The following SLC25A48 variants were observed in gnomAD, a reference collection of about 807,000 sequenced individuals.
The protein encoded by SLC25A48 is solute carrier family 25 member 48.
Under a neutral mutation model 32.2 loss-of-function variants are expected in SLC25A48, and 29 were observed. The ratio of observed to expected loss-of-function variants is 0.90; its 90% CI spans 0.67 to 1.23. The LOEUF is 1.23. SLC25A48 is among the 50% of genes most tolerant of loss of function. The pLI is 0.00. For synonymous variants in SLC25A48, 164 were observed against 172.3 expected (o/e 0.95, Z 0.38); for missense variants, 399 against 422.7 (o/e 0.94, Z 0.49).
At chr5:135,643,400 C>T (rs564286232) in intron 3 of SLC25A48, among the ~76,000 whole-genome samples, 1 of 152,320 alleles carries the variant, frequency 6.6e-6, no homozygotes, top group South Asian at 2.1e-4. Context: ...CAGTCAGCCA[C>T]ACTTGCAGGA....
intron 3 of SLC25A48, among the ~76,000 whole-genome samples, chr5:135,779,640 G>T (rs1241038512): frequency 8.5e-6 from 1 of 117,308 alleles, no homozygotes; most frequent in African/African-American, 2.6e-5. Flanking sequence ...AAGTGGAGAG[G>T]ATGATATTAC....
rs981838652 is a variant in SLC25A48 at position 135,761,009 on chromosome 5, T to C, written c.-520-51514T>C. Among the ~76,000 whole-genome samples the C allele has an allele frequency of 2.0e-5, 3 of 152,120 alleles. No homozygotes were observed. In the South Asian group the frequency reaches 6.2e-4, roughly 32 times the overall value. On this transcript the variant is annotated intron_variant, in intron 3 of 10. Coordinates refer to the SLC25A48 transcript ENST00000646290. ...TCTTTTACTGATTCCAAATAATGTA[T>C]TTAACATTGACCAGGCATGGTGGCT... is the stretch of plus-strand genomic sequence containing the variant.
At chr5:135,814,853 G>A (rs893560293) in intron 4 of SLC25A48, among the ~76,000 whole-genome samples, 1 of 152,244 alleles carries the variant, frequency 6.6e-6, no homozygotes, top group African/African-American at 2.4e-5. Context: ...TGGTCTCTGG[G>A]CATGAAGGCC....
chr5:135,636,337 T>C (rs998356964), intron 3 of SLC25A48, among the ~76,000 whole-genome samples: 6 of 152,142 alleles, frequency 3.9e-5, no homozygotes, highest in African/African-American at 1.4e-4. Context: ...GACTCTTAAG[T>C]ATTTTGTTCC....
chr5:135,871,402 G>A (rs2126804195), intron 4 of SLC25A48, 59 bp from the exon 5 acceptor site: 2 of 1,529,026 alleles, frequency 1.3e-6, no homozygotes, highest in Admixed American at 2.0e-5. Flanking sequence ...CAGTGTCACG[G>A]AATGTCCAGT....
chr5:135,813,787 G>A (rs1241892236), intron 4 of SLC25A48, among the ~76,000 whole-genome samples: 1 of 152,138 alleles, frequency 6.6e-6, no homozygotes, highest in Non-Finnish European at 1.5e-5. Flanking sequence ...GGGAAAAAGG[G>A]GAGAGAGGAG....
chr5:135,749,380 A>C (rs1755717834), intron 3 of SLC25A48, among the ~76,000 whole-genome samples: 1 of 150,850 alleles, frequency 6.6e-6, no homozygotes, highest in African/African-American at 2.4e-5. Context: ...CCCCCATCTC[A>C]CCTGGGATGG....
upstream of SLC25A48, among the ~76,000 whole-genome samples, chr5:135,833,892 T>C (rs1415798257): frequency 1.3e-5 from 2 of 152,178 alleles, no homozygotes; most frequent in Non-Finnish European, 2.9e-5. Context: ...ATATGCCCAG[T>C]GGGACAAGAG....
chr5:135,847,406 C>G (rs977535189), intron 2 of SLC25A48, among the ~76,000 whole-genome samples: 1 of 152,164 alleles, frequency 6.6e-6, no homozygotes, highest in African/African-American at 2.4e-5. Flanking sequence ...GGCCAGGTTC[C>G]TGGGGAAACC....
intron 3 of SLC25A48, among the ~76,000 whole-genome samples, chr5:135,673,021 AT>A (rs1753690373): frequency 6.6e-6 from 1 of 152,188 alleles, no homozygotes; most frequent in Non-Finnish European, 1.5e-5. Flanking sequence ...CAGCATAATT[AT>A]TTTGATATTA....
chr5:135,816,376 G>C (rs79912632), intron 4 of SLC25A48, among the ~76,000 whole-genome samples: 1 of 152,102 alleles, frequency 6.6e-6, no homozygotes, highest in Non-Finnish European at 1.5e-5. Flanking sequence ...ATCTAAAATC[G>C]TTTTTCATAT....
rs1342725250 is a variant in SLC25A48 at position 135,884,214 on chromosome 5, G to A, written c.*8-3818G>A. Reference sequence around the variant, plus strand: ...CCACCCCCTGCCTTTGAGTGATTTGGGCCATGTCTCTGAAAAATCTCTGTC... The same window carrying A: ...CCACCCCCTGCCTTTGAGTGATTTGAGCCATGTCTCTGAAAAATCTCTGTC... On this transcript the variant is annotated intron_variant, in intron 7 of 7. Transcript: ENST00000681962. Among the ~76,000 whole-genome samples the A allele has an allele frequency of 2.0e-5, 3 of 152,206 alleles. No individual in the cohort carries two copies. The East Asian group carries it at 5.8e-4, about 29-fold the overall frequency.
At chr5:135,862,669 C>A (rs372760522) in intron 4 of SLC25A48, among the ~76,000 whole-genome samples, 10 of 152,122 alleles carry the variant, frequency 6.6e-5, no homozygotes, top group Non-Finnish European at 1.0e-4. Context: ...GGCTGTTGAT[C>A]GGGTTTTTTA....
chr5:135,846,060 C>T (rs1759387126), intron 2 of SLC25A48, among the ~76,000 whole-genome samples: 1 of 152,206 alleles, frequency 6.6e-6, no homozygotes, highest in South Asian at 2.1e-4. Flanking sequence ...GTGAGCATTA[C>T]TGCCTGAGCT....
chr5:135,778,326 G>A (rs576594475), intron 3 of SLC25A48, among the ~76,000 whole-genome samples: 3 of 151,634 alleles, frequency 2.0e-5, no homozygotes, highest in African/African-American at 7.3e-5. Context: ...ATCCAGGAAG[G>A]GAGAAGGTGA....
chr5:135,840,296 G>A (rs1198339857), intron 1 of SLC25A48, among the ~76,000 whole-genome samples: 2 of 152,182 alleles, frequency 1.3e-5, no homozygotes, highest in African/African-American at 4.8e-5. Flanking sequence ...CAGGAGGTAG[G>A]TGCTGTTATT....
intron 1 of SLC25A48, among the ~76,000 whole-genome samples, chr5:135,627,551 T>C (rs1458420387): frequency 6.6e-6 from 1 of 152,176 alleles, no homozygotes; most frequent in Non-Finnish European, 1.5e-5. Flanking sequence ...CTCTGGAACT[T>C]GTTTCTTATC....
intron 3 of SLC25A48, among the ~76,000 whole-genome samples, chr5:135,773,419 T>C (rs1756466451): frequency 6.6e-6 from 1 of 151,104 alleles, no homozygotes; most frequent in East Asian, 2.0e-4. Flanking sequence ...GGGCAGAGGA[T>C]GATATTACTC....
intron 3 of SLC25A48, among the ~76,000 whole-genome samples, chr5:135,703,562 C>T (rs563595587): frequency 5.3e-5 from 8 of 152,294 alleles, no homozygotes; most frequent in East Asian, 3.9e-4. Context: ...CCCCACAACC[C>T]GTCTCTGCCT....
Sources: gnomAD v4.1 joint callset for allele counts (sites outside exome capture counted in the v4.1 genomes callset) on GRCh38, gnomAD v4.1.1 for gene constraint, MANE v1.5 for transcripts, NCBI Gene and HGNC (gene_info 2026-07-23, HGNC 2026-07-21) for gene names.